RBFOX1: variants seen among roughly 807,000 people sequenced by gnomAD.
RBFOX1 encodes the protein RNA binding fox-1 homolog 1.
RBFOX1 carries 8 observed loss-of-function variants against 57.7 expected under a neutral mutation model. The ratio of observed to expected loss-of-function variants is 0.14; its 90% CI spans 0.08 to 0.25. The LOEUF is 0.25. RBFOX1 is among the 10% of genes least tolerant of loss of function. The pLI, the probability that RBFOX1 is intolerant of heterozygous loss-of-function variation, is 1.00. For missense variants in RBFOX1, 611 were observed against 548.5 expected (o/e 1.11, Z -1.14); for synonymous variants, 326 against 222.4 (o/e 1.47, Z -4.15).
chr16:6,913,519 C>G (rs927695194), intron 3 of RBFOX1, among the ~76,000 whole-genome samples: 1 of 152,122 alleles, frequency 6.6e-6, no homozygotes, highest in African/African-American at 2.4e-5. Flanking sequence ...CTGCAGTGCC[C>G]GATGCCCAGC....
At chr16:6,660,408 A>G (rs1234062541) in intron 3 of RBFOX1, among the ~76,000 whole-genome samples, 3 of 152,080 alleles carry the variant, frequency 2.0e-5, no homozygotes, top group South Asian at 2.1e-4. Flanking sequence ...AATAAACATA[A>G]AAAAGTAATT....
intron 3 of RBFOX1, among the ~76,000 whole-genome samples, chr16:6,861,663 T>A (rs2059024197): frequency 6.6e-6 from 1 of 152,028 alleles, no homozygotes; most frequent in Non-Finnish European, 1.5e-5. Context: ...GCATGCAACC[T>A]CCTCTATTTT....
At chr16:7,596,040 G>A (rs1229635857) in intron 8 of RBFOX1, among the ~76,000 whole-genome samples, 1 of 150,278 alleles carries the variant, frequency 6.7e-6, no homozygotes, top group African/African-American at 2.4e-5. Flanking sequence ...GGGATCCACA[G>A]TGGTTGGCAA....
Position 7,501,576 on chromosome 16 carries a change from C to G in RBFOX1, c.28-16571C>G, listed in dbSNP as rs574874345. ...GCTCTATATTTTATAGGTCCTATGT[C>G]TCTGTGAAAATGTCCTCATTGCTTT... On this transcript the variant is annotated intron_variant, in intron 4 of 15. Coordinates refer to ENST00000550418, the MANE Select transcript of RBFOX1 (RefSeq NM_018723.4). Among the ~76,000 whole-genome samples the G allele has an allele frequency of 3.3e-5, 5 of 152,314 alleles. No homozygotes were observed. In the East Asian group the frequency reaches 9.6e-4, roughly 29 times the overall value.
rs114947390 is a variant in RBFOX1 at position 7,321,608 on chromosome 16, T to C, written c.28-196539T>C. Among the ~76,000 whole-genome samples, 634 of 152,296 alleles carry C rather than the reference T, an allele frequency of 4.2e-3. 6 individuals are homozygous for C. In the Middle Eastern group the frequency reaches 0.071, roughly 17 times the overall value. On this transcript the variant is annotated intron_variant, in intron 4 of 15. Coordinates refer to ENST00000550418, the MANE Select transcript of RBFOX1 (RefSeq NM_018723.4). ...TGTTTTCCTCACAGTAATATGAAGA[T>C]AGTCATAGGATTTACCTTATAGGAT...
intron 3 of RBFOX1, among the ~76,000 whole-genome samples, chr16:6,931,797 A>C (rs189625089): frequency 1.6e-3 from 249 of 152,254 alleles, no homozygotes; most frequent in Non-Finnish European, 2.6e-3. Flanking sequence ...TTATAAAGAA[A>C]AATAAGTTTA....
intron 4 of RBFOX1, among the ~76,000 whole-genome samples, chr16:7,222,571 G>C (rs891583970): frequency 3.9e-5 from 6 of 152,198 alleles, no homozygotes; most frequent in African/African-American, 1.2e-4. Context: ...ATGTGTCTGG[G>C]CACTGGCTGT....
chr16:6,718,941 C>T (rs929540059), intron 3 of RBFOX1, among the ~76,000 whole-genome samples: 3 of 151,850 alleles, frequency 2.0e-5, no homozygotes, highest in Non-Finnish European at 4.4e-5. Flanking sequence ...CAGCTTGCTG[C>T]AGCTTCAACC....
At chr16:6,854,918 G>C (rs138293709) in intron 3 of RBFOX1, among the ~76,000 whole-genome samples, 71 of 152,026 alleles carry the variant, frequency 4.7e-4, no homozygotes, top group African/African-American at 1.7e-3. Flanking sequence ...TTTTATTCTG[G>C]TTTCTATATG....
At chr16:5,644,590 G>A (rs1049953017) in intron 3 of RBFOX1, among the ~76,000 whole-genome samples, 3 of 152,206 alleles carry the variant, frequency 2.0e-5, no homozygotes, top group Non-Finnish European at 4.4e-5. Flanking sequence ...ATTTTGAAGC[G>A]TGTCAGGCTG....
At chr16:6,982,029 T>A (rs559922252) in intron 3 of RBFOX1, among the ~76,000 whole-genome samples, 10 of 152,224 alleles carry the variant, frequency 6.6e-5, no homozygotes, top group Non-Finnish European at 1.0e-4. Context: ...GTGTTTTACC[T>A]TACAAATTTA....
At chr16:6,696,135 A>T (rs17140942) in intron 3 of RBFOX1, among the ~76,000 whole-genome samples, 2 of 152,164 alleles carry the variant, frequency 1.3e-5, no homozygotes, top group African/African-American at 4.8e-5. Context: ...AATGGATCCT[A>T]TACTGCGTGT....
chr16:6,806,922 C>T (rs1287899444), intron 3 of RBFOX1, among the ~76,000 whole-genome samples: 1 of 149,094 alleles, frequency 6.7e-6, no homozygotes, highest in Non-Finnish European at 1.5e-5. Flanking sequence ...CAAACTCCAC[C>T]TCCTGGGTTC....
chr16:6,936,708 T>A (rs1213561712), intron 3 of RBFOX1, among the ~76,000 whole-genome samples: 1 of 152,044 alleles, frequency 6.6e-6, no homozygotes, highest in African/African-American at 2.4e-5. Context: ...TAGATTAATA[T>A]TAAAACAAAA....
chr16:6,042,950 T>G (rs1353259312), intron 1 of RBFOX1, among the ~76,000 whole-genome samples: 1 of 149,278 alleles, frequency 6.7e-6, no homozygotes, highest in African/African-American at 2.5e-5. Context: ...ATAAGGGGGG[T>G]TGTGAAAAAT....
At chr16:5,413,885 C>T (rs895942009) in intron 1 of RBFOX1, among the ~76,000 whole-genome samples, 4 of 151,950 alleles carry the variant, frequency 2.6e-5, no homozygotes, top group African/African-American at 4.8e-5. Context: ...TGATGTTTGC[C>T]CTTCCCATTC....
intron 1 of RBFOX1, among the ~76,000 whole-genome samples, chr16:6,141,416 C>T (rs1472242069): frequency 1.3e-5 from 2 of 152,142 alleles, no homozygotes; most frequent in Admixed American, 6.5e-5. Flanking sequence ...CGCTTGTCTC[C>T]TCCCCCTGGG....
intron 1 of RBFOX1, among the ~76,000 whole-genome samples, chr16:6,080,141 G>A (rs1002469317): frequency 6.6e-6 from 1 of 152,192 alleles, no homozygotes; most frequent in African/African-American, 2.4e-5. Context: ...GTGTGTACTT[G>A]ATGGGGAGAG....
At chr16:5,835,698 C>T (rs1369440763) in intron 3 of RBFOX1, among the ~76,000 whole-genome samples, 1 of 152,224 alleles carries the variant, frequency 6.6e-6, no homozygotes, top group Admixed American at 6.5e-5. Context: ...GTCTCATCTG[C>T]CACCCCCATA....
Sources: gnomAD v4.1 joint callset for allele counts (sites outside exome capture counted in the v4.1 genomes callset) on GRCh38, gnomAD v4.1.1 for gene constraint, MANE v1.5 for transcripts, NCBI Gene and HGNC (gene_info 2026-07-23, HGNC 2026-07-21) for gene names.